The following KPNA5 variants were observed in gnomAD, a reference collection of about 807,000 sequenced individuals.
KPNA5 encodes importin subunit alpha-6.
A neutral mutation model predicts 71.3 loss-of-function variants in KPNA5; 46 were observed. That is an observed-to-expected ratio of 0.65 (90% CI 0.51 to 0.83). The LOEUF is 0.83. Among genes scored for constraint, KPNA5 ranks in the 40% least tolerant of loss-of-function variants. KPNA5 has a pLI of 0.00. For synonymous variants in KPNA5, 207 were observed against 201.4 expected (o/e 1.03, Z -0.24); for missense variants, 547 against 628.3 (o/e 0.87, Z 1.38).
Position 116,696,183 on chromosome 6 carries a change from G to T in KPNA5, c.341-2521G>T, listed in dbSNP as rs991999031. Among the ~76,000 whole-genome samples the T allele has an allele frequency of 2.0e-5, 3 of 152,132 alleles. No individual in the cohort carries two copies. In the East Asian group the frequency reaches 5.8e-4, roughly 29 times the overall value. ...TGTACTATCTTTCACAGAGACAATT[G>T]TGTTCTCTGTTTCTTCTTTGTAATG... On this transcript the variant is annotated intron_variant, in intron 4 of 13. Transcript: ENST00000368564.
chr6:116,693,556 A>G (rs1188274565), intron 4 of KPNA5, among the ~76,000 whole-genome samples: 1 of 152,150 alleles, frequency 6.6e-6, no homozygotes, highest in African/African-American at 2.4e-5. Flanking sequence ...GTCTGTTCAT[A>G]TCCTTCGCCC....
rs150276720 is a variant in KPNA5, at chr6:116,704,070, C to T, written c.568-1002C>T. Among the ~76,000 whole-genome samples the T allele has an allele frequency of 7.1e-3, 1,075 of 151,106 alleles. 5 individuals are homozygous for T. The highest frequency in any genetic ancestry group is 0.025 in the African/African-American group (1,017 of 41,142). On this transcript the variant is annotated intron_variant, in intron 6 of 13. Coordinates refer to ENST00000368564, the MANE Select transcript of KPNA5 (RefSeq NM_001366306.2). Reference sequence around the variant, plus strand: ...TTTTTTTTTTTGAGACAGAGTCTTGCTGTGTCACTCAGGCTGCAGTGCAGT... The same window carrying T: ...TTTTTTTTTTTGAGACAGAGTCTTGTTGTGTCACTCAGGCTGCAGTGCAGT...
chr6:116,722,010 T>C (rs1779123660), intron 8 of KPNA5, 116 bp from the exon 9 acceptor site: 1 of 661,568 alleles, frequency 1.5e-6, no homozygotes. Flanking sequence ...CAATATAAAT[T>C]TTCTGGTATT....
At chr6:116,722,028 C>G in intron 8 of KPNA5, 98 bp from the exon 9 acceptor site, 1 of 835,700 alleles carries the variant, frequency 1.2e-6, no homozygotes. Context: ...ATTTTTATAA[C>G]ATTAAATTTT....
rs1359409490 is a variant in KPNA5 at position 116,733,432 on chromosome 6, C to CT, written c.*1115dup. On this transcript the variant is annotated 3_prime_UTR_variant, in exon 14 of 14. Coordinates refer to ENST00000368564, the MANE Select transcript of KPNA5 (RefSeq NM_001366306.2). ...TTTAATATGGTTCAAATCTATAAGACTTTTTTCTTTTAGTAATACTCAGAG... is the reference window on the plus strand; with the variant it reads ...TTTAATATGGTTCAAATCTATAAGACTTTTTTTCTTTTAGTAATACTCAGAG... The CT allele has an allele frequency of 2.0e-5, 3 of 151,510 alleles. No homozygotes were observed. The highest frequency in any genetic ancestry group is 4.8e-5 in the African/African-American group (2 of 41,316). 9.4% of individuals were successfully genotyped at this position (151,510 alleles called of 1,614,324 possible).
Position 116,722,453 on chromosome 6 carries a change from C to T in KPNA5, c.920+164C>T, listed in dbSNP as rs149902272. 7.3e-3 allele frequency among the ~76,000 whole-genome samples: 1,113 copies of T among 152,262 alleles called. 18 individuals carry two copies. The highest frequency in any genetic ancestry group is 0.024 in the African/African-American group (985 of 41,532). On this transcript the variant is annotated intron_variant, in intron 9 of 13. Coordinates refer to ENST00000368564, the MANE Select transcript of KPNA5 (RefSeq NM_001366306.2). ...TAGCCATAATCCTAGAAAGTTGACCCTAAAATTTGGAACTTATGTCCTATA... is the reference window on the plus strand; with the variant it reads ...TAGCCATAATCCTAGAAAGTTGACCTTAAAATTTGGAACTTATGTCCTATA...
In KPNA5 at chr6:116,716,210, T is replaced by G. The variant is rs189755081; in HGVS notation, c.657-9T>G. ...AGGTGATAATTCTTTTTTTTCTTTT[T>G]CTTGGCAGGTTATTAACAAATTCAA... is the stretch of plus-strand genomic sequence containing the variant. On this transcript the variant is annotated splice_polypyrimidine_tract_variant and intron_variant, in intron 7 of 13. Transcript: ENST00000368564. 1 of 1,599,842 alleles carries G rather than the reference T, an allele frequency of 6.3e-7. No individual in the cohort carries two copies. The highest frequency in any genetic ancestry group is 8.5e-7 in the Non-Finnish European group (1 of 1,173,172).
intron 4 of KPNA5, among the ~76,000 whole-genome samples, chr6:116,694,196 C>T (rs1275008110): frequency 1.3e-5 from 2 of 152,190 alleles, no homozygotes; most frequent in African/African-American, 4.8e-5. Context: ...GTTCTTTTTG[C>T]TTAGGATTAT....
rs141344283 is a variant in KPNA5 at position 116,724,146 on chromosome 6, A to T, written c.921-151A>T. 2,382 of 548,194 alleles carry T rather than the reference A, an allele frequency of 4.3e-3. 52 individuals carry two copies. Among genetic ancestry groups the T allele is most frequent in the South Asian group, 0.035 (1,246 of 35,256 alleles). The allele number at this position is 548,194 out of a possible 1,614,324, so 34.0% of individuals were successfully genotyped here. On this transcript the variant is annotated intron_variant, in intron 9 of 13. Coordinates refer to ENST00000368564, the MANE Select transcript of KPNA5 (RefSeq NM_001366306.2). ...GCTGTAATGAACGATCCTGGATTAGATCCTTTGTTATAAAGATTATCAGAA... is the reference window on the plus strand; with the variant it reads ...GCTGTAATGAACGATCCTGGATTAGTTCCTTTGTTATAAAGATTATCAGAA...
intron 10 of KPNA5, among the ~76,000 whole-genome samples, 167 bp downstream of exon 10, chr6:116,724,542 G>A (rs1053428733): frequency 6.6e-6 from 1 of 152,062 alleles, no homozygotes; most frequent in African/African-American, 2.4e-5. Context: ...AAGATGTGCT[G>A]TCAAGATTGA....
At chr6:116,705,033 T>A (rs751134046) in intron 6 of KPNA5, 39 bp from the exon 7 acceptor site, 1 of 1,467,708 alleles carries the variant, frequency 6.8e-7, no homozygotes, top group Non-Finnish European at 9.4e-7. Flanking sequence ...AGCCTCTAAT[T>A]TAAAATATTG....
Position 116,737,686 on chromosome 6 carries a change from G to T in KPNA5, c.*5363G>T, listed in dbSNP as rs1562462184. The T allele has an allele frequency of 6.6e-6, 1 of 151,786 alleles. No individual in the cohort carries two copies. The highest frequency in any genetic ancestry group is 1.5e-5 in the Non-Finnish European group (1 of 67,906). The allele number at this position is 151,786 out of a possible 1,614,324, so 9.4% of individuals were successfully genotyped here. A position where few individuals can be genotyped will look rare whatever the true frequency, so the allele number is the denominator to read the frequency against. On this transcript the variant is annotated 3_prime_UTR_variant, in exon 14 of 14. Coordinates refer to ENST00000368564, the MANE Select transcript of KPNA5 (RefSeq NM_001366306.2). The stretch of plus-strand genomic sequence containing the variant: ...CTGGAAACTGTTGTTTCATGTTTTT[G>T]TCCTGGTCCCTATTACTCTAGTTTG...
chr6:116,693,199 T>C (rs1777877686), intron 4 of KPNA5, among the ~76,000 whole-genome samples: 1 of 152,202 alleles, frequency 6.6e-6, no homozygotes, highest in African/African-American at 2.4e-5. Flanking sequence ...TGAACATACG[T>C]GTGCATGTGT....
chr6:116,705,252 A>C, intron 7 of KPNA5, 92 bp downstream of exon 7: 1 of 990,172 alleles, frequency 1.0e-6, no homozygotes, highest in Non-Finnish European at 1.5e-6. Flanking sequence ...CATACTTGTA[A>C]ATTTGTCTTA....
chr6:116,727,616 TC>T (rs901988434), intron 12 of KPNA5, among the ~76,000 whole-genome samples: 4 of 152,058 alleles, frequency 2.6e-5, no homozygotes, highest in Non-Finnish European at 5.9e-5. Flanking sequence ...GGAACCAATC[TC>T]CGATGAAACC....
chr6:116,681,987 G>C (rs1777377130), intron 1 of KPNA5, among the ~76,000 whole-genome samples: 1 of 152,074 alleles, frequency 6.6e-6, no homozygotes, highest in Non-Finnish European at 1.5e-5. Context: ...GACATTGGCG[G>C]CGGGCGCGGT....
At chr6:116,719,848 C>G (rs1307674863) in intron 8 of KPNA5, among the ~76,000 whole-genome samples, 1 of 144,662 alleles carries the variant, frequency 6.9e-6, no homozygotes, top group Non-Finnish European at 1.5e-5. Flanking sequence ...AAGACCCTGT[C>G]TCAAAAATAA....
intron 12 of KPNA5, among the ~76,000 whole-genome samples, chr6:116,727,999 A>G (rs1779346492): frequency 1.3e-5 from 2 of 152,198 alleles, no homozygotes; most frequent in South Asian, 4.1e-4. Context: ...TTTGAAATCT[A>G]CCTATTGTGA....
At chr6:116,731,637 C>T (rs1454005687) in intron 13 of KPNA5, among the ~76,000 whole-genome samples, 2 of 152,034 alleles carry the variant, frequency 1.3e-5, no homozygotes, top group Non-Finnish European at 2.9e-5. Flanking sequence ...GCACAACAGC[C>T]ATATGTTTTT....
Sources: allele counts gnomAD v4.1 joint callset (sites outside exome capture counted in the v4.1 genomes callset), GRCh38; gene constraint gnomAD v4.1.1; transcripts MANE v1.5; gene names NCBI Gene and HGNC (gene_info 2026-07-23, HGNC 2026-07-21).